PPARG: variants seen among roughly 807,000 people sequenced by gnomAD.
PPARG encodes the protein peroxisome proliferator activated receptor gamma, also known as peroxisome proliferator-activated receptor gamma.
In PPARG, 17 loss-of-function variants were observed where a neutral mutation model predicts 39.2. The observed-to-expected ratio is 0.43, with a 90% CI of 0.30 to 0.65. The LOEUF is 0.65. Among genes scored for constraint, PPARG ranks in the 30% least tolerant of loss-of-function variants. The probability of loss-of-function intolerance (pLI) is 0.13; values close to 1 mark genes in which losing one functional copy is unlikely to be tolerated. For missense variants in PPARG, 406 were observed against 585.9 expected (o/e 0.69, Z 3.17); for synonymous variants, 223 against 215.7 (o/e 1.03, Z -0.30).
intron 2 of PPARG, among the ~76,000 whole-genome samples, chr3:12,319,687 T>A (rs2047484392): frequency 6.6e-6 from 1 of 151,942 alleles, no homozygotes; most frequent in Non-Finnish European, 1.5e-5. Context: ...TTTTTTTTTT[T>A]AACTGATGCT....
intron 1 of PPARG, among the ~76,000 whole-genome samples, chr3:12,308,892 C>T (rs1402278608): frequency 6.6e-6 from 1 of 152,118 alleles, no homozygotes; most frequent in Non-Finnish European, 1.5e-5. Context: ...ACAAAAACCA[C>T]AGTAAAGTGG....
chr3:12,316,290 C>T (rs1304061857), intron 2 of PPARG, among the ~76,000 whole-genome samples: 14 of 152,098 alleles, frequency 9.2e-5, no homozygotes, highest in Non-Finnish European at 7.4e-5. Context: ...ATTTTTTTGC[C>T]GGTAACTCTT....
chr3:12,318,594 T>C (rs1054503820), intron 2 of PPARG, among the ~76,000 whole-genome samples: 3 of 152,234 alleles, frequency 2.0e-5, no homozygotes, highest in Non-Finnish European at 4.4e-5. Context: ...AAAAAGATTA[T>C]GGGTGAAACT....
chr3:12,311,081 T>C (rs531736887), intron 1 of PPARG, among the ~76,000 whole-genome samples: 3 of 152,250 alleles, frequency 2.0e-5, no homozygotes, highest in African/African-American at 7.2e-5. Context: ...ATTGCTTTGT[T>C]TTTGATATTG....
chr3:12,347,394 T>C (rs1475163626), intron 2 of PPARG, among the ~76,000 whole-genome samples: 5 of 151,136 alleles, frequency 3.3e-5, no homozygotes, highest in Admixed American at 3.3e-4. Context: ...TGTCTGCTTT[T>C]ATGGGACTAT....
At chr3:12,329,787 A>T (rs2125044123) in intron 2 of PPARG, among the ~76,000 whole-genome samples, 1 of 152,268 alleles carries the variant, frequency 6.6e-6, no homozygotes, top group East Asian at 1.9e-4. Flanking sequence ...ACTAAACAAC[A>T]ACTCCACATC....
chr3:12,409,629 C>G (rs1284468813), intron 6 of PPARG, among the ~76,000 whole-genome samples: 1 of 74,832 alleles, frequency 1.3e-5, no homozygotes, highest in Non-Finnish European at 3.7e-5. Context: ...GTGGCTATGG[C>G]TGTGCAGCAG....
Position 12,379,829 on chromosome 3 carries a change from T to G in PPARG, c.118T>G (p.Phe40Val), listed in dbSNP as rs1413870551. The G allele has an allele frequency of 6.2e-7, 1 of 1,613,984 alleles. No homozygotes were observed. The highest frequency in any genetic ancestry group is 1.3e-5 in the African/African-American group (1 of 75,052). Residue 40 changes from phenylalanine (F) to valine (V), a missense_variant, in exon 3 of 8, where the codon TTC becomes GTC. Physicochemically the swap from Phe to Val is conservative, Grantham distance 50 (BLOSUM62 -1). Around this residue, in one of 2 missense-constraint regions of PPARG, gnomAD observed 131 missense variants for 127.9 expected, o/e 1.02. Coordinates refer to ENST00000651735, the MANE Select transcript of PPARG (RefSeq NM_138711.6). Reference protein sequence around the residue: ...FDIKPFTTVDFSSISTPHYED... With the variant: ...FDIKPFTTVDVSSISTPHYED... ...TATCAAGCCCTTCACTACTGTTGAC[T>G]TCTCCAGCATTTCTACTCCACATTA...
chr3:12,333,929 G>A (rs1203380136), intron 2 of PPARG, among the ~76,000 whole-genome samples: 1 of 152,132 alleles, frequency 6.6e-6, no homozygotes, highest in African/African-American at 2.4e-5. Context: ...ATTTTGACGA[G>A]TTTTTTTGAG....
chr3:12,389,865 C>G (rs939142304), intron 4 of PPARG, among the ~76,000 whole-genome samples: 1 of 152,090 alleles, frequency 6.6e-6, no homozygotes, highest in Non-Finnish European at 1.5e-5. Context: ...CCACTGCACT[C>G]CAGCCTGAGC....
chr3:12,312,095 G>C (rs2047262796), intron 1 of PPARG, among the ~76,000 whole-genome samples: 1 of 152,204 alleles, frequency 6.6e-6, no homozygotes, highest in South Asian at 2.1e-4. Flanking sequence ...GATGGAAATA[G>C]GAAAGTAGGT....
intron 2 of PPARG, among the ~76,000 whole-genome samples, chr3:12,347,223 A>G (rs900095412): frequency 1.3e-5 from 2 of 151,324 alleles, no homozygotes; most frequent in Non-Finnish European, 2.9e-5. Context: ...GGTGGCGAGC[A>G]ACTGAAATCC....
rs1197790520 is a variant in PPARG at position 12,339,548 on chromosome 3, C to T, written c.-9+27095C>T. ...AGAATATTTAGGTATCAGATATTTT[C>T]GCCCTTGACCCTTCCAAGGTCAGAA... On this transcript the variant is annotated intron_variant, in intron 2 of 7. Transcript: ENST00000651735. Among the ~76,000 whole-genome samples the T allele has an allele frequency of 2.6e-5, 4 of 152,118 alleles. No homozygotes were observed. In the East Asian group the frequency reaches 5.8e-4, roughly 22 times the overall value.
rs150796201 is a variant in PPARG at position 12,365,305 on chromosome 3, A to G, written c.-8-14399A>G. On this transcript the variant is annotated intron_variant, in intron 2 of 7. Transcript: ENST00000651735. ...CTGCTTTATCAGATGTGTTTTGTAC[A>G]GATACATTCTCCCCATCTGTGGCTT... 2.1e-3 allele frequency among the ~76,000 whole-genome samples: 313 copies of G among 152,312 alleles called. 4 individuals are homozygous for G. The highest frequency in any genetic ancestry group is 7.0e-3 in the African/African-American group (291 of 41,566).
intron 6 of PPARG, among the ~76,000 whole-genome samples, chr3:12,414,909 G>A (rs1256629249): frequency 6.6e-6 from 1 of 152,172 alleles, no homozygotes; most frequent in East Asian, 1.9e-4. Flanking sequence ...AATAACTCCA[G>A]TAAAGGGTGT....
rs2051785622 is a variant in PPARG at position 12,434,290 on chromosome 3, TA to T, written c.*146del. On this transcript the variant is annotated 3_prime_UTR_variant, in exon 8 of 8. Transcript: ENST00000651735. The surrounding 1 kb of genome is among the most constrained non-coding windows in gnomAD (Gnocchi z 4.2). ...TATGATCTATTTTATGCATATTGTT[TA>T]TAAAGACACATTTACAATTTACTTT... 2.9e-6 allele frequency: 3 copies of T among 1,033,072 alleles called. No homozygotes were observed. The highest frequency in any genetic ancestry group is 1.6e-5 in the African/African-American group (1 of 62,050). 64.0% of individuals were successfully genotyped at this position (1,033,072 alleles called of 1,614,324 possible). A position where few individuals can be genotyped will look rare whatever the true frequency, so the allele number is the denominator to read the frequency against.
At chr3:12,318,198 G>A (rs936678099) in intron 2 of PPARG, among the ~76,000 whole-genome samples, 3 of 152,064 alleles carry the variant, frequency 2.0e-5, no homozygotes, top group Non-Finnish European at 4.4e-5. Context: ...GGTCTCAAAC[G>A]TCTGGCCTCA....
chr3:12,332,803 G>A (rs1237872502), intron 2 of PPARG, among the ~76,000 whole-genome samples: 1 of 152,136 alleles, frequency 6.6e-6, no homozygotes, highest in East Asian at 1.9e-4. Context: ...GACCAAGGTG[G>A]GAGGATCGTT....
At chr3:12,335,788 A>T (rs758616568) in intron 2 of PPARG, among the ~76,000 whole-genome samples, 3 of 152,326 alleles carry the variant, frequency 2.0e-5, no homozygotes, top group African/African-American at 7.2e-5. Flanking sequence ...TATTAATATG[A>T]TTCCTACATC....
Sources: gnomAD v4.1 joint callset for allele counts (sites outside exome capture counted in the v4.1 genomes callset) on GRCh38, gnomAD v4.1.1 for gene constraint, gnomAD v4.1.1 regional missense constraint, Gnocchi (gnomAD v3.1) non-coding constraint, MANE v1.5 for transcripts, NCBI Gene and HGNC (gene_info 2026-07-23, HGNC 2026-07-21) for gene names.